Variants in ZBTB20 observed in about 807,000 individuals in gnomAD.
ZBTB20 encodes zinc finger and BTB domain containing 20.
In ZBTB20, 9 loss-of-function variants were observed where a neutral mutation model predicts 56.9. That is an observed-to-expected ratio of 0.16 (90% confidence interval 0.10 to 0.28). ZBTB20 has a LOEUF of 0.28. Ranked by LOEUF, ZBTB20 falls within the 10% of genes least tolerant of loss-of-function variation. ZBTB20 has a pLI of 1.00. For missense variants in ZBTB20, 655 were observed against 1,003.0 expected, an observed-to-expected ratio of 0.65 and a Z score of 4.69; for synonymous variants, 417 against 420.7, an observed-to-expected ratio of 0.99 and a Z score of 0.11.
At chr3:114,628,792 C>T (rs978436861) in intron 6 of ZBTB20, among the ~76,000 whole-genome samples, 5 of 152,106 alleles carry the variant, frequency 3.3e-5, no homozygotes, top group African/African-American at 9.7e-5. Flanking sequence ...TTTTATGCTG[C>T]TAGAGCTGCT....
intron 6 of ZBTB20, among the ~76,000 whole-genome samples, chr3:114,573,720 G>A (rs2053701016): frequency 6.6e-6 from 1 of 152,010 alleles, no homozygotes; most frequent in Admixed American, 6.5e-5. Flanking sequence ...TCAGTTTGGG[G>A]AAACTGAAAA....
intron 1 of ZBTB20, among the ~76,000 whole-genome samples, chr3:115,091,046 G>C (rs1325233970): frequency 1.3e-5 from 2 of 151,836 alleles, no homozygotes; most frequent in Admixed American, 1.3e-4. Context: ...TAAGTTCATT[G>C]TACTTTATTT....
chr3:114,339,496 G>A lies in ZBTB20; in HGVS notation c.1805-70C>T. On this transcript the variant is annotated intron_variant, in intron 11 of 11. Coordinates refer to ENST00000675478, the MANE Select transcript of ZBTB20 (RefSeq NM_001348800.3). The surrounding 1 kb of genome is among the most constrained non-coding windows in gnomAD (Gnocchi z 4.2). Reference sequence around the variant, plus strand: ...AGCAAGGGATAGAGAATGAAGGACAGGAAAAACAAGACAACAAAAAAGAAA... The same window carrying A: ...AGCAAGGGATAGAGAATGAAGGACAAGAAAAACAAGACAACAAAAAAGAAA... 35 of 1,460,538 alleles carry A rather than the reference G, an allele frequency of 2.4e-5. No homozygotes were observed. The highest frequency in any genetic ancestry group is 2.1e-4 in the Middle Eastern group (1 of 4,812). 90.5% of individuals were successfully genotyped at this position (1,460,538 alleles called of 1,614,324 possible).
At chr3:114,551,420 A>G (rs1283013050) in intron 6 of ZBTB20, among the ~76,000 whole-genome samples, 1 of 152,238 alleles carries the variant, frequency 6.6e-6, no homozygotes, top group African/African-American at 2.4e-5. Context: ...TTTACAAAAG[A>G]AGTGCACAAA....
chr3:115,124,618 A>G (rs1159045208), intron 1 of ZBTB20, among the ~76,000 whole-genome samples: 1 of 152,182 alleles, frequency 6.6e-6, no homozygotes, highest in Non-Finnish European at 1.5e-5. Flanking sequence ...AATTAGTAAA[A>G]TGTGTTACTG....
At chr3:114,866,955 AG>A (rs1303130122) in intron 4 of ZBTB20, among the ~76,000 whole-genome samples, 1 of 152,256 alleles carries the variant, frequency 6.6e-6, no homozygotes, top group East Asian at 1.9e-4. Flanking sequence ...TCTTCTATAC[AG>A]GTATACATTT....
chr3:114,809,282 T>G (rs561875060), intron 4 of ZBTB20, among the ~76,000 whole-genome samples: 2 of 152,226 alleles, frequency 1.3e-5, no homozygotes, highest in East Asian at 3.9e-4. Flanking sequence ...TTTCTTTCTT[T>G]CCTCCTCTTC....
In ZBTB20 at chr3:114,742,589, C is replaced by T. The variant is rs185869986; in HGVS notation, c.-342-49014G>A. ...AGTGCTATTATTTTCATTTTACATA[C>T]GAGAAAACTAAAGCTGACAGAGATT... On this transcript the variant is annotated intron_variant, in intron 5 of 11. Transcript: ENST00000675478. 8.3e-4 allele frequency among the ~76,000 whole-genome samples: 127 copies of T among 152,138 alleles called. 1 individual carries two copies. Among genetic ancestry groups the T allele is most frequent in the African/African-American group, 2.8e-3 (116 of 41,506 alleles).
At chr3:114,741,875 T>TAAAAAAAAAAAAAAAAAAAAAAAA (rs554920594) in intron 5 of ZBTB20, among the ~76,000 whole-genome samples, 1 of 100,484 alleles carries the variant, frequency 1.0e-5, no homozygotes, top group Non-Finnish European at 2.1e-5. Flanking sequence ...AGCAAGACTG[T>TAAAAAAAAAAAAAAAAAAAAAAAA]AAAAAAAAAA....
chr3:114,825,597 A>C (rs2073481756), intron 4 of ZBTB20, among the ~76,000 whole-genome samples: 1 of 151,876 alleles, frequency 6.6e-6, no homozygotes, highest in Non-Finnish European at 1.5e-5. Flanking sequence ...TAATCACTTA[A>C]GAGTTTCGGT....
chr3:114,892,982 G>A (rs9817665), intron 4 of ZBTB20, among the ~76,000 whole-genome samples: 58,808 of 152,108 alleles, frequency 0.39, 12,771 homozygotes, highest in East Asian at 0.79. Flanking sequence ...GAAAGTCACT[G>A]AGGCCTTATG....
chr3:114,816,106 C>T (rs1347895743), intron 4 of ZBTB20, among the ~76,000 whole-genome samples: 2 of 152,170 alleles, frequency 1.3e-5, no homozygotes, highest in Non-Finnish European at 2.9e-5. Flanking sequence ...TCCCATGGCT[C>T]AGATTATCTC....
At chr3:114,882,391 A>T (rs1304761643) in intron 4 of ZBTB20, among the ~76,000 whole-genome samples, 2 of 152,056 alleles carry the variant, frequency 1.3e-5, no homozygotes, top group Admixed American at 1.3e-4. Flanking sequence ...GAAAATTTTT[A>T]ACAGGCATCA....
intron 2 of ZBTB20, among the ~76,000 whole-genome samples, chr3:115,061,400 T>A (rs901595486): frequency 9.2e-5 from 14 of 152,142 alleles, no homozygotes; most frequent in Non-Finnish European, 1.8e-4. Context: ...TGCAAGTTTT[T>A]AAAAAAATTA....
chr3:114,481,906 C>A (rs2041600002), intron 7 of ZBTB20, among the ~76,000 whole-genome samples: 1 of 152,214 alleles, frequency 6.6e-6, no homozygotes, highest in Non-Finnish European at 1.5e-5. Flanking sequence ...TGGGGGAAAT[C>A]TCTGGCCTAT....
chr3:114,523,571 T>C (rs1005282956), intron 6 of ZBTB20, among the ~76,000 whole-genome samples: 9 of 152,182 alleles, frequency 5.9e-5, no homozygotes, highest in Non-Finnish European at 8.8e-5. Context: ...GCACTGTTTA[T>C]GCATGTGCAA....
At chr3:114,445,576 T>A (rs2108992931) in intron 7 of ZBTB20, 1 of 152,342 alleles carries the variant, frequency 6.6e-6, no homozygotes, top group East Asian at 1.9e-4. Context: ...GCTGGAATTT[T>A]AAAAATCTAG....
At chr3:114,850,056 C>T (rs1024883653) in intron 4 of ZBTB20, among the ~76,000 whole-genome samples, 6 of 151,852 alleles carry the variant, frequency 4.0e-5, no homozygotes, top group Non-Finnish European at 8.8e-5. Flanking sequence ...CCCGCCACCA[C>T]GCCTGGCTAA....
At chr3:114,453,851 T>C (rs1015270023) in intron 7 of ZBTB20, among the ~76,000 whole-genome samples, 6 of 151,924 alleles carry the variant, frequency 3.9e-5, no homozygotes, top group African/African-American at 1.2e-4. Flanking sequence ...GAATGTTCTG[T>C]TCCTGTCTCT....
Sources: allele counts gnomAD v4.1 joint callset (sites outside exome capture counted in the v4.1 genomes callset), GRCh38; gene constraint gnomAD v4.1.1; non-coding constraint Gnocchi (gnomAD v3.1); transcripts MANE v1.5; gene names NCBI Gene and HGNC (gene_info 2026-07-23, HGNC 2026-07-21).